The following TNR variants were observed in gnomAD, a reference collection of about 807,000 sequenced individuals.
TNR encodes tenascin R, also known as tenascin-R.
In TNR, 45 loss-of-function variants were observed where a neutral mutation model predicts 150.4. The ratio of observed to expected loss-of-function variants is 0.30; its 90% confidence interval spans 0.24 to 0.38. The LOEUF (loss-of-function observed/expected upper bound fraction) is 0.38. TNR is among the 10% of genes least tolerant of loss of function. The pLI, the probability that TNR is intolerant of heterozygous loss-of-function variation, is 1.00. For synonymous variants in TNR, 687 were observed against 678.4 expected (o/e 1.01, Z -0.20); for missense variants, 1,544 against 1,759.1 (o/e 0.88, Z 2.19).
At chr1:175,693,748 A>C (rs1666439752) in intron 1 of TNR, among the ~76,000 whole-genome samples, 1 of 152,210 alleles carries the variant, frequency 6.6e-6, no homozygotes. Flanking sequence ...ATCTGATTTG[A>C]TCTCATTTCC....
At chr1:175,720,183 G>T (rs1238952591) in intron 1 of TNR, among the ~76,000 whole-genome samples, 1 of 152,176 alleles carries the variant, frequency 6.6e-6, no homozygotes, top group East Asian at 1.9e-4. Flanking sequence ...AGGTCATAAG[G>T]GTAGGGCTCT....
intron 1 of TNR, among the ~76,000 whole-genome samples, chr1:175,732,978 G>A (rs1469878828): frequency 3.3e-5 from 5 of 152,170 alleles, no homozygotes; most frequent in African/African-American, 4.8e-5. Flanking sequence ...CTAAATCCAG[G>A]AGATCCTAAA....
intron 1 of TNR, among the ~76,000 whole-genome samples, chr1:175,656,824 G>GT (rs1665193681): frequency 1.3e-5 from 2 of 152,012 alleles, no homozygotes; most frequent in Non-Finnish European, 2.9e-5. Flanking sequence ...TGAGCTTGAA[G>GT]TTTTGTGTGT....
At chr1:175,604,689 T>G (rs1025425455) in intron 1 of TNR, among the ~76,000 whole-genome samples, 4 of 152,274 alleles carry the variant, frequency 2.6e-5, no homozygotes, top group Admixed American at 2.6e-4. Context: ...CAAGAACCAG[T>G]CTGTTTTGTG....
intron 1 of TNR, among the ~76,000 whole-genome samples, chr1:175,742,039 A>T (rs903121556): frequency 2.0e-5 from 3 of 152,190 alleles, no homozygotes; most frequent in African/African-American, 7.2e-5. Context: ...GATTGAAGGA[A>T]ATCCTCAACA....
intron 1 of TNR, among the ~76,000 whole-genome samples, chr1:175,610,776 C>A (rs1188331551): frequency 6.6e-6 from 1 of 152,228 alleles, no homozygotes; most frequent in Admixed American, 6.5e-5. Context: ...CTTACTAAGT[C>A]CAGAAATGTT....
rs563407113 is a variant in TNR at position 175,393,037 on chromosome 1, GGA to G, written c.1356+741_1356+742del. 3.8e-4 allele frequency among the ~76,000 whole-genome samples: 58 copies of G among 152,270 alleles called. 1 individual carries two copies. Among genetic ancestry groups the G allele is most frequent in the Admixed American group, 2.2e-3 (33 of 15,302 alleles). On this transcript the variant is annotated intron_variant, in intron 6 of 22. Coordinates refer to ENST00000367674, the MANE Select transcript of TNR (RefSeq NM_003285.3). ...TGTTGAAGAATAAAGACAGAGGGAA[GGA>G]GTATAATTGAACTTTATATCCTCAT...
At chr1:175,669,050 TC>T in intron 1 of TNR, among the ~76,000 whole-genome samples, 1 of 152,172 alleles carries the variant, frequency 6.6e-6, no homozygotes, top group Non-Finnish European at 1.5e-5. Flanking sequence ...CCCAGCTGCT[TC>T]CCCAGAGGCC....
intron 1 of TNR, among the ~76,000 whole-genome samples, chr1:175,639,433 G>T (rs566410028): frequency 6.6e-6 from 1 of 152,162 alleles, no homozygotes; most frequent in African/African-American, 2.4e-5. Flanking sequence ...CCACCACGGC[G>T]TGCTGAGTGC....
At chr1:175,365,400 C>T in intron 11 of TNR, 121 bp from the exon 12 acceptor site, 1 of 1,174,730 alleles carries the variant, frequency 8.5e-7, no homozygotes, top group Admixed American at 2.9e-5. Flanking sequence ...CCTTCACCCA[C>T]TAACCAAGAG....
At chr1:175,721,462 C>T (rs1407827516) in intron 1 of TNR, among the ~76,000 whole-genome samples, 3 of 152,104 alleles carry the variant, frequency 2.0e-5, no homozygotes, top group African/African-American at 7.2e-5. Context: ...TGGCTGTGTT[C>T]ACCCCACCCA....
intron 1 of TNR, among the ~76,000 whole-genome samples, chr1:175,626,536 C>A (rs961331942): frequency 6.6e-6 from 1 of 152,196 alleles, no homozygotes; most frequent in African/African-American, 2.4e-5. Context: ...CCCTCCCTGT[C>A]CCTAATTCTC....
chr1:175,651,186 A>G (rs1167128293), intron 1 of TNR, among the ~76,000 whole-genome samples: 2 of 113,890 alleles, frequency 1.8e-5, no homozygotes, highest in Non-Finnish European at 3.7e-5. Flanking sequence ...CCTCATTACT[A>G]CCCCTCCCCA....
chr1:175,368,638 A>G (rs1651943363), intron 9 of TNR, among the ~76,000 whole-genome samples: 1 of 152,182 alleles, frequency 6.6e-6, no homozygotes, highest in South Asian at 2.1e-4. Flanking sequence ...TTTATCTATT[A>G]GGACTGGGGT....
intron 1 of TNR, among the ~76,000 whole-genome samples, chr1:175,631,197 T>C (rs1485880890): frequency 6.6e-6 from 1 of 152,248 alleles, no homozygotes; most frequent in East Asian, 1.9e-4. Flanking sequence ...TAAACACATA[T>C]GCACCTACAT....
Position 175,719,353 on chromosome 1 carries a change from C to A in TNR, c.-165+23873G>T, listed in dbSNP as rs544611986. Among the ~76,000 whole-genome samples, 20 of 152,134 alleles carry A rather than the reference C, an allele frequency of 1.3e-4. 2 individuals are homozygous for A. Among genetic ancestry groups the A allele is most frequent in the Admixed American group, 1.2e-3 (18 of 15,282 alleles). On this transcript the variant is annotated intron_variant, in intron 1 of 22. Transcript: ENST00000367674. ...CCCCCATCCACACACTGCAGCACCC[C>A]CATTGAAAAGTGTGCACAGTGGCAG...
intron 2 of TNR, among the ~76,000 whole-genome samples, chr1:175,500,590 G>A (rs950902568): frequency 6.6e-6 from 1 of 152,206 alleles, no homozygotes; most frequent in African/African-American, 2.4e-5. Context: ...TTCTCTACAC[G>A]ACTCAGCTAG....
rs1648968348 is a variant in TNR at position 175,320,287 on chromosome 1, C to A, written c.*3070G>T. 6.6e-6 allele frequency: 1 copy of A among 152,266 alleles called. No homozygotes were observed. Among genetic ancestry groups the A allele is most frequent in the South Asian group, 2.1e-4 (1 of 4,822 alleles). 9.4% of individuals were successfully genotyped at this position (152,266 alleles called of 1,614,324 possible). A position where few individuals can be genotyped will look rare whatever the true frequency, so the allele number is the denominator to read the frequency against. On this transcript the variant is annotated 3_prime_UTR_variant, in exon 23 of 23. Coordinates refer to ENST00000367674, the MANE Select transcript of TNR (RefSeq NM_003285.3). ...GCGAGGAAAGTTATGAGCATTGAGT[C>A]AAGTTGACCATAGACCTTGGGATGA... is the stretch of plus-strand genomic sequence containing the variant.
chr1:175,336,554 A>C (rs534992517), intron 19 of TNR, among the ~76,000 whole-genome samples: 1 of 152,332 alleles, frequency 6.6e-6, no homozygotes, highest in African/African-American at 2.4e-5. Context: ...CTTTAGGGCC[A>C]AGTGGTGGGA....
Sources: allele counts gnomAD v4.1 joint callset (sites outside exome capture counted in the v4.1 genomes callset), GRCh38; gene constraint gnomAD v4.1.1; transcripts MANE v1.5; gene names NCBI Gene and HGNC (gene_info 2026-07-23, HGNC 2026-07-21).